The following DNAH3 variants were observed in gnomAD, a reference collection of about 807,000 sequenced individuals.
DNAH3 encodes the protein axonemal beta dynein heavy chain 3.
A neutral mutation model predicts 432.5 loss-of-function variants in DNAH3; 332 were observed. That is an observed-to-expected ratio of 0.77 (90% CI 0.70 to 0.84). DNAH3 has a LOEUF of 0.84. Among genes scored for constraint, DNAH3 ranks in the 40% least tolerant of loss-of-function variants. DNAH3 has a pLI of 0.00. For missense variants in DNAH3, 4,861 were observed against 5,114.0 expected (o/e 0.95, Z 1.51); for synonymous variants, 1,956 against 1,900.2 (o/e 1.03, Z -0.76).
intron 1 of DNAH3, among the ~76,000 whole-genome samples, 143 bp from the exon 1 acceptor site, chr16:21,150,989 A>AG (rs2152836319): frequency 6.6e-6 from 1 of 152,318 alleles, no homozygotes; most frequent in African/African-American, 2.4e-5. Flanking sequence ...TGGTGACAGA[A>AG]GGGAACATGG....
At chr16:21,036,918 A>ATGAGG in intron 34 of DNAH3, 70 bp from the exon 35 acceptor site, 1 of 1,276,488 alleles carries the variant, frequency 7.8e-7, no homozygotes, top group Non-Finnish European at 1.1e-6. Flanking sequence ...CATTTTCCTA[A>ATGAGG]AATGAGATGT....
chr16:21,112,560 A>G (rs985029860), intron 12 of DNAH3, among the ~76,000 whole-genome samples: 2 of 152,192 alleles, frequency 1.3e-5, no homozygotes, highest in East Asian at 1.9e-4. Context: ...CTTATTCACT[A>G]TCATGAGAAT....
intron 50 of DNAH3, among the ~76,000 whole-genome samples, chr16:20,979,015 G>A (rs1339933849): frequency 1.3e-5 from 2 of 151,810 alleles, no homozygotes; most frequent in Non-Finnish European, 2.9e-5. Context: ...GGTGAGACAA[G>A]GGAGGCACTC....
chr16:20,970,753 A>G (rs1271969329), intron 51 of DNAH3, among the ~76,000 whole-genome samples: 1 of 152,082 alleles, frequency 6.6e-6, no homozygotes, highest in Non-Finnish European at 1.5e-5. Flanking sequence ...ATTGGAAAGA[A>G]TTGACCAATG....
chr16:21,115,716 T>C (rs1191423418), intron 12 of DNAH3, among the ~76,000 whole-genome samples: 6 of 129,958 alleles, frequency 4.6e-5, no homozygotes, highest in Admixed American at 4.0e-4. Context: ...CAAAAAATAA[T>C]AAAATAAATA....
intron 58 of DNAH3, among the ~76,000 whole-genome samples, chr16:20,943,550 CT>C (rs61099138): frequency 0.047 from 7,179 of 152,196 alleles, 401 homozygotes; most frequent in African/African-American, 0.13. Flanking sequence ...CCATCTTTCT[CT>C]TTTCATTCCT....
chr16:20,997,566 G>T, intron 43 of DNAH3, 104 bp from the exon 44 acceptor site: 1 of 1,335,844 alleles, frequency 7.5e-7, no homozygotes, highest in South Asian at 1.4e-5. Flanking sequence ...CTGTTCCCAG[G>T]TTTCCATTCC....
At chr16:20,975,320 C>T (rs2085536250) in exon 51 of DNAH3, 2 of 1,614,054 alleles carry the variant, frequency 1.2e-6, no homozygotes, top group Non-Finnish European at 1.7e-6. Flanking sequence ...CTTCTCTCGT[C>T]TCCGCTTCAA....
chr16:21,020,393 ATATATTTTTT>A (rs1428838249), intron 40 of DNAH3, among the ~76,000 whole-genome samples: 2 of 28,070 alleles, frequency 7.1e-5, no homozygotes, highest in African/African-American at 3.1e-4. Context: ...ATATATATAT[ATATATTTTTT>A]TTTTTTTTTT....
intron 41 of DNAH3, among the ~76,000 whole-genome samples, 158 bp from the exon 42 acceptor site, chr16:21,003,365 A>G (rs1011209971): frequency 3.3e-5 from 5 of 152,250 alleles, no homozygotes; most frequent in Non-Finnish European, 7.3e-5. Context: ...TGGAAAGTGT[A>G]TAAACTGAAA....
intron 40 of DNAH3, among the ~76,000 whole-genome samples, chr16:21,020,450 T>C (rs989718527): frequency 3.9e-5 from 5 of 128,718 alleles, no homozygotes; most frequent in African/African-American, 1.5e-4. Context: ...TCGCCCATGC[T>C]GGAGTGCAGT....
chr16:21,072,732 A>C (rs1009218807), intron 21 of DNAH3, among the ~76,000 whole-genome samples: 1 of 151,798 alleles, frequency 6.6e-6, no homozygotes, highest in Admixed American at 6.6e-5. Context: ...TGCAGCCTCA[A>C]ATTCCTGGGC....
intron 61 of DNAH3, 70 bp from the exon 62 acceptor site, chr16:20,933,577 A>G: frequency 3.1e-6 from 4 of 1,295,030 alleles, no homozygotes; most frequent in Non-Finnish European, 4.2e-6. Flanking sequence ...AAGAGCCTGG[A>G]ATCTTCTGAT....
chr16:20,992,119 G>A (rs969330777), intron 44 of DNAH3, among the ~76,000 whole-genome samples: 7 of 152,018 alleles, frequency 4.6e-5, no homozygotes, highest in African/African-American at 1.7e-4. Context: ...TTTTCTGTAG[G>A]TGACCAACTA....
Position 20,980,170 on chromosome 16 carries a change from A to T in DNAH3, c.7860-624T>A, listed in dbSNP as rs12599362. On this transcript the variant is annotated intron_variant, in intron 49 of 61. Transcript: ENST00000261383. ...TATTCCCTGACTTTGTAGAAAAAAAAATATATATATATATATATAATTTTA... is the reference window on the plus strand; with the variant it reads ...TATTCCCTGACTTTGTAGAAAAAAATATATATATATATATATATAATTTTA... Among the ~76,000 whole-genome samples the T allele has an allele frequency of 9.9e-3, 1,325 of 133,628 alleles. 15 individuals carry two copies. The highest frequency in any genetic ancestry group is 0.031 in the African/African-American group (1,039 of 33,864). The allele number at this position is 133,628 out of a possible 152,430, so 87.7% of individuals were successfully genotyped here. A position where few individuals can be genotyped will look rare whatever the true frequency, so the allele number is the denominator to read the frequency against.
chr16:20,955,095 A>G (rs1257163108), intron 54 of DNAH3, 38 bp from the exon 55 acceptor site: 6 of 1,539,080 alleles, frequency 3.9e-6, no homozygotes, highest in South Asian at 2.5e-5. Flanking sequence ...AGAGCAATAC[A>G]ATAAGTTATA....
At chr16:21,039,648 G>A (rs1345285731) in intron 33 of DNAH3, among the ~76,000 whole-genome samples, 2 of 152,106 alleles carry the variant, frequency 1.3e-5, no homozygotes, top group African/African-American at 4.8e-5. Flanking sequence ...GCAGGGTTCC[G>A]CCCTGGGAAT....
At chr16:20,985,458 G>A (rs1164031861) in exon 48 of DNAH3, 2 of 1,614,198 alleles carry the variant, frequency 1.2e-6, no homozygotes, top group Non-Finnish European at 1.7e-6. Flanking sequence ...GGAGCAGGTG[G>A]CCTTTGTCCT....
At chr16:21,154,240 C>G (rs185219527) in intron 1 of DNAH3, among the ~76,000 whole-genome samples, 1 of 152,188 alleles carries the variant, frequency 6.6e-6, no homozygotes, top group South Asian at 2.1e-4. Flanking sequence ...CCCGTCTCTA[C>G]TAAAAATACA....
Sources: gnomAD v4.1 joint callset for allele counts (sites outside exome capture counted in the v4.1 genomes callset) on GRCh38, gnomAD v4.1.1 for gene constraint, MANE v1.5 for transcripts, NCBI Gene and HGNC (gene_info 2026-07-23, HGNC 2026-07-21) for gene names.